The following SFXN4 variants were observed in gnomAD, a reference collection of about 807,000 sequenced individuals.
SFXN4 encodes sideroflexin-4.
In SFXN4, 48 loss-of-function variants were observed where a neutral mutation model predicts 54.6. That is an observed-to-expected ratio of 0.88 (90% CI 0.70 to 1.12). The LOEUF is 1.12. Among genes scored for constraint, SFXN4 ranks in the 50% most tolerant of loss-of-function variants. SFXN4 has a pLI of 0.00. For synonymous variants in SFXN4, 130 were observed against 145.5 expected (o/e 0.89, Z 0.77); for missense variants, 383 against 409.2 (o/e 0.94, Z 0.55).
intron 1 of SFXN4, chr10:119,165,125 G>T: frequency 3.8e-6 from 3 of 795,388 alleles, no homozygotes; most frequent in Non-Finnish European, 4.6e-6. Context: ...GCTGCAGGGA[G>T]ATAAGTCCTG....
intron 13 of SFXN4, 120 bp downstream of exon 13, chr10:119,146,116 G>A (rs960924774): frequency 2.8e-5 from 17 of 617,904 alleles, no homozygotes; most frequent in South Asian, 6.1e-5. Context: ...GTGAGCCACT[G>A]CACCTGGTCT....
At position 119,144,252 on chromosome 10, in the gene SFXN4, C is replaced by T. The variant is rs1010655297; in HGVS notation, c.936+1984G>A. 8.5e-5 allele frequency among the ~76,000 whole-genome samples: 13 copies of T among 152,150 alleles called. No homozygotes were observed. In the East Asian group the frequency reaches 1.2e-3, roughly 14 times the overall value. The stretch of plus-strand genomic sequence containing the variant: ...CGGGCGGATCACGAGGTCAGGAGAT[C>T]GAGACCATCCTGGCTAACATGGTGA... On this transcript the variant is annotated intron_variant, in intron 13 of 13. Coordinates refer to ENST00000355697, the MANE Select transcript of SFXN4 (RefSeq NM_213649.2).
At chr10:119,152,787 T>C (rs954044466) in intron 11 of SFXN4, among the ~76,000 whole-genome samples, 1 of 152,126 alleles carries the variant, frequency 6.6e-6, no homozygotes, top group Admixed American at 6.6e-5. Context: ...ACCGATGGAA[T>C]GAACAACCAT....
At chr10:119,159,801 G>C in intron 5 of SFXN4, 48 bp from the exon 6 acceptor site, 1 of 1,609,526 alleles carries the variant, frequency 6.2e-7, no homozygotes, top group Non-Finnish European at 8.5e-7. Context: ...AGTTGCCCAG[G>C]CAGAGGGGGC....
At chr10:119,155,244 T>C in intron 10 of SFXN4, 67 bp from the exon 11 acceptor site, 1 of 1,064,516 alleles carries the variant, frequency 9.4e-7, no homozygotes, top group Non-Finnish European at 1.5e-6. Flanking sequence ...AAGGAACATC[T>C]CTTTGGGTGT....
chr10:119,145,110 C>T (rs553397385), intron 13 of SFXN4, among the ~76,000 whole-genome samples: 1 of 151,846 alleles, frequency 6.6e-6, no homozygotes, highest in Non-Finnish European at 1.5e-5. Flanking sequence ...TACAATTAAC[C>T]CTTGAATAAT....
In SFXN4 at chr10:119,157,896, T is replaced by C. The variant is rs1052041606; in HGVS notation, c.446A>G (p.Asn149Ser). 2 of 1,614,118 alleles carry C rather than the reference T, an allele frequency of 1.2e-6. No individual in the cohort carries two copies. The highest frequency in any genetic ancestry group is 1.3e-5 in the African/African-American group (1 of 74,932). Residue 149 changes from asparagine to serine, a missense_variant, in exon 8 of 14, where the codon AAC becomes AGC. Transcript: ENST00000355697. ...GTAACTTCTGTTTCCATTGATGCTG[T>C]TGAACGCTGCCATGTAGGCACAGAG... ...VFLCAYMAAF[N>S]SINGNRSYTC...
Position 119,150,799 on chromosome 10 carries a change from C to T in SFXN4, c.733-2939G>A, listed in dbSNP as rs139957326. ...ATGGAGTTGTGGAGAAATACAAACA[C>T]ACATATGCATAAAGATGTGCAAGTG... is the stretch of plus-strand genomic sequence containing the variant. On this transcript the variant is annotated intron_variant, in intron 11 of 13. Coordinates refer to ENST00000355697, the MANE Select transcript of SFXN4 (RefSeq NM_213649.2). 1.2e-3 allele frequency among the ~76,000 whole-genome samples: 187 copies of T among 152,302 alleles called. 1 individual carries two copies. The East Asian group carries it at 0.034, about 27-fold the overall frequency.
intron 12 of SFXN4, 61 bp from the exon 13 acceptor site, chr10:119,146,414 C>A: frequency 1.0e-6 from 1 of 985,932 alleles, no homozygotes; most frequent in Non-Finnish European, 1.6e-6. Flanking sequence ...ATTTTCTGAA[C>A]AGCTGAATCA....
At chr10:119,156,550 G>A in intron 10 of SFXN4, 128 bp downstream of exon 10, 2 of 732,926 alleles carry the variant, frequency 2.7e-6, no homozygotes, top group Non-Finnish European at 4.7e-6. Flanking sequence ...GGGCCTGCCG[G>A]GCTGCAAAGG....
In SFXN4 at chr10:119,159,768, A is replaced by G; in HGVS notation, c.335-15T>C. 2 of 1,614,074 alleles carry G rather than the reference A, an allele frequency of 1.2e-6. No individual in the cohort carries two copies. Among genetic ancestry groups the G allele is most frequent in the Non-Finnish European group, 1.7e-6 (2 of 1,179,994 alleles). ...AGGCAGGAACGCTGGCAGGAAGAGA[A>G]GAGAGGAGGTGTCAGTGATCACAGT... On this transcript the variant is annotated splice_polypyrimidine_tract_variant and intron_variant, in intron 5 of 13. Transcript: ENST00000355697.
At chr10:119,145,097 CATT>C (rs1846731170) in intron 13 of SFXN4, among the ~76,000 whole-genome samples, 1 of 48,748 alleles carries the variant, frequency 2.1e-5, no homozygotes, top group East Asian at 6.6e-4. Context: ...ATATAAATAT[CATT>C]ACAATTAACC....
At chr10:119,162,726 A>T (rs1018437783) in intron 2 of SFXN4, among the ~76,000 whole-genome samples, 8 of 152,256 alleles carry the variant, frequency 5.3e-5, no homozygotes, top group African/African-American at 1.9e-4. Flanking sequence ...GAAACCTAGA[A>T]GTCCTTCTCC....
chr10:119,153,033 T>C (rs1847134587), intron 11 of SFXN4, among the ~76,000 whole-genome samples: 1 of 152,100 alleles, frequency 6.6e-6, no homozygotes, highest in African/African-American at 2.4e-5. Flanking sequence ...ATTTTAAAAG[T>C]CCACACCCAA....
chr10:119,165,483 C>T, intron 1 of SFXN4, 54 bp downstream of exon 1: 2 of 1,493,588 alleles, frequency 1.3e-6, no homozygotes, highest in Non-Finnish European at 1.8e-6. Context: ...CCCGACTCCA[C>T]GCGGCCCGGC....
chr10:119,152,255 C>T lies in SFXN4; in HGVS notation c.732+2807G>A, dbSNP rs1221158915. Among the ~76,000 whole-genome samples, 6 of 149,154 alleles carry T rather than the reference C, an allele frequency of 4.0e-5. No homozygotes were observed. The East Asian group carries it at 7.9e-4, about 20-fold the overall frequency. On this transcript the variant is annotated intron_variant, in intron 11 of 13. Coordinates refer to ENST00000355697, the MANE Select transcript of SFXN4 (RefSeq NM_213649.2). Reference sequence around the variant, plus strand: ...GTTTTTTTTTTTCCCCAGGGGAAAGCGCAAATGCAGTCCCAGGTGGTTTTT... The same window carrying T: ...GTTTTTTTTTTTCCCCAGGGGAAAGTGCAAATGCAGTCCCAGGTGGTTTTT...
chr10:119,150,830 C>T (rs1847036644), intron 11 of SFXN4, among the ~76,000 whole-genome samples: 2 of 152,152 alleles, frequency 1.3e-5, no homozygotes, highest in African/African-American at 2.4e-5. Flanking sequence ...AAGTGAATGT[C>T]GGAGCAGCCT....
At chr10:119,147,455 CAT>C (rs1439037456) in intron 12 of SFXN4, among the ~76,000 whole-genome samples, 2 of 152,196 alleles carry the variant, frequency 1.3e-5, no homozygotes, top group South Asian at 2.1e-4. Context: ...ATTCACAGCA[CAT>C]GAGAGCCAGG....
chr10:119,149,193 A>G (rs565115535), intron 11 of SFXN4, among the ~76,000 whole-genome samples: 1 of 152,234 alleles, frequency 6.6e-6, no homozygotes, highest in South Asian at 2.1e-4. Context: ...GGTAAGACAC[A>G]CACACCACAA....
Sources: allele counts gnomAD v4.1 joint callset (sites outside exome capture counted in the v4.1 genomes callset), GRCh38; gene constraint gnomAD v4.1.1; transcripts MANE v1.5; gene names NCBI Gene and HGNC (gene_info 2026-07-23, HGNC 2026-07-21).